The following FAM186B variants were observed in gnomAD, a reference collection of about 807,000 sequenced individuals.
FAM186B encodes the protein family with sequence similarity 186 member B, also known as protein FAM186B.
In FAM186B, 68 loss-of-function variants were observed where a neutral mutation model predicts 83.4. The ratio of observed to expected loss-of-function variants is 0.81; its 90% CI spans 0.67 to 1.00. FAM186B has a LOEUF of 1.00. FAM186B is among the 50% of genes least tolerant of loss of function. The pLI, the probability that FAM186B is intolerant of heterozygous loss-of-function variation, is 0.00. For missense variants in FAM186B, 983 were observed against 1,099.2 expected (o/e 0.89, Z 1.49); for synonymous variants, 389 against 422.0 (o/e 0.92, Z 0.96).
intron 2 of FAM186B, 76 bp from the exon 3 acceptor site, chr12:49,603,443 G>T: frequency 7.0e-7 from 1 of 1,436,930 alleles, no homozygotes; most frequent in Non-Finnish European, 9.6e-7. Flanking sequence ...ATAGCACAGG[G>T]GTTCCAGCAG....
rs867421983 is a variant in FAM186B at position 49,598,827 on chromosome 12, C to T, written c.2292G>A (p.Trp764Ter). The T allele has an allele frequency of 6.2e-7, 1 of 1,613,172 alleles. No homozygotes were observed. The highest frequency in any genetic ancestry group is 1.3e-5 in the African/African-American group (1 of 74,692). Reference sequence around the variant, plus strand: ...CCTCCAGCCCCTTCTGCTTGTCCGTCCAGGCCTGCAGCCTGAGACTCTGCA... The same window carrying T: ...CCTCCAGCCCCTTCTGCTTGTCCGTTCAGGCCTGCAGCCTGAGACTCTGCA... ...DRLQSLRLQA[W>*]TDKQKGLEEK... The change falls in exon 5 of 7, where the codon TGG becomes TGA. Residue 764 changes from tryptophan (W) to a stop codon, truncating the protein, a stop_gained. Transcript: ENST00000257894. LOFTEE classifies it high-confidence loss of function.
intron 5 of FAM186B, among the ~76,000 whole-genome samples, chr12:49,596,726 C>T (rs1004583544): frequency 6.6e-6 from 1 of 152,052 alleles, no homozygotes; most frequent in Non-Finnish European, 1.5e-5. Context: ...TATGGAGGCT[C>T]CTAAAAAAAT....
At chr12:49,621,583 C>G in the FAM186B span, among the ~76,000 whole-genome samples, 1 of 152,046 alleles carries the variant, frequency 6.6e-6, no homozygotes, top group Non-Finnish European at 1.5e-5. Flanking sequence ...ATTTAAGCAA[C>G]TGGGGGAAGA....
the FAM186B span, among the ~76,000 whole-genome samples, chr12:49,619,918 G>A: frequency 1.3e-5 from 2 of 151,864 alleles, no homozygotes; most frequent in South Asian, 2.1e-4. Context: ...AACCTCAAGT[G>A]ATCCACCCAC....
chr12:49,604,460 C>A lies in FAM186B; in HGVS notation c.175G>T (p.Asp59Tyr). The change falls in exon 2 of 7, where the codon GAT becomes TAT. Residue 59 changes from aspartate (D) to tyrosine (Y), a missense_variant. Asp to Tyr is a radical substitution (Grantham distance 160, BLOSUM62 -3). Transcript: ENST00000257894. ...TGAGATTTGGCATTTTCTTTTAAAT[C>A]ATATCCTAATTCTTCCTGGAAGCGG... ...INRFQEELGY[D>Y]LKENAKSQQR... 6.2e-7 allele frequency: 1 copy of A among 1,614,208 alleles called. No individual in the cohort carries two copies. The highest frequency in any genetic ancestry group is 2.2e-5 in the East Asian group (1 of 44,890).
chr12:49,607,253 T>C (rs1465004186), upstream of FAM186B, among the ~76,000 whole-genome samples: 1 of 151,908 alleles, frequency 6.6e-6, no homozygotes, highest in Non-Finnish European at 1.5e-5. Flanking sequence ...GCAACTAAAA[T>C]CTGATGTTTT....
intron 5 of FAM186B, among the ~76,000 whole-genome samples, chr12:49,589,798 T>C (rs370021402): frequency 2.8e-4 from 43 of 152,108 alleles, no homozygotes; most frequent in African/African-American, 1.0e-3. Context: ...CTGGCCAACA[T>C]GGTGAAACCC....
At chr12:49,583,204 T>A, downstream of FAM186B, 1 of 380,172 alleles carries the variant, frequency 2.6e-6, no homozygotes, top group Non-Finnish European at 5.3e-6. Context: ...CATAATATTG[T>A]CAGTTTCATT....
chr12:49,591,196 A>G (rs1310953305), intron 5 of FAM186B, among the ~76,000 whole-genome samples: 2 of 152,198 alleles, frequency 1.3e-5, no homozygotes, highest in Non-Finnish European at 2.9e-5. Context: ...GTATCAGGGA[A>G]GCCAAGGTGA....
chr12:49,613,260 G>A, the FAM186B span, among the ~76,000 whole-genome samples: 1 of 152,038 alleles, frequency 6.6e-6, no homozygotes, highest in Non-Finnish European at 1.5e-5. Context: ...TGGTGCAGTG[G>A]TTCACGCCTG....
chr12:49,590,992 A>C (rs1042928093), intron 5 of FAM186B, among the ~76,000 whole-genome samples: 1 of 152,166 alleles, frequency 6.6e-6, no homozygotes, highest in Non-Finnish European at 1.5e-5. Flanking sequence ...CTAGTTTACT[A>C]TTCTCCTGTA....
the FAM186B span, among the ~76,000 whole-genome samples, chr12:49,621,814 G>C: frequency 6.6e-6 from 1 of 152,190 alleles, no homozygotes; most frequent in African/African-American, 2.4e-5. Flanking sequence ...AAATCCCCTT[G>C]GACCCCTTGC....
chr12:49,601,176 G>T (rs1314511970), intron 3 of FAM186B, 42 bp from the exon 4 acceptor site: 1 of 1,515,728 alleles, frequency 6.6e-7, no homozygotes, highest in African/African-American at 1.4e-5. Context: ...TTTCTCATGG[G>T]TCCCAAGGAT....
chr12:49,606,263 G>A (rs1205295892), upstream of FAM186B, among the ~76,000 whole-genome samples: 1 of 152,034 alleles, frequency 6.6e-6, no homozygotes, highest in East Asian at 1.9e-4. Context: ...GGAGGCTGAG[G>A]TGGGAGGATC....
chr12:49,595,397 AG>A (rs2138268521), intron 5 of FAM186B: 1 of 535,324 alleles, frequency 1.9e-6, no homozygotes. Flanking sequence ...GAGATACTAA[AG>A]GAGCAGGAAA....
At chr12:49,614,216 C>G in the FAM186B span, among the ~76,000 whole-genome samples, 1 of 151,854 alleles carries the variant, frequency 6.6e-6, no homozygotes, top group Non-Finnish European at 1.5e-5. Context: ...AATCCCATTA[C>G]TCGGTATACA....
chr12:49,588,232 C>T (rs974899785), intron 6 of FAM186B, among the ~76,000 whole-genome samples: 1 of 152,230 alleles, frequency 6.6e-6, no homozygotes, highest in Non-Finnish European at 1.5e-5. Flanking sequence ...ATGCACTGGT[C>T]AGGCTAGTCC....
the FAM186B span, among the ~76,000 whole-genome samples, chr12:49,611,894 C>A: frequency 6.6e-6 from 1 of 150,932 alleles, no homozygotes; most frequent in Admixed American, 6.6e-5. Flanking sequence ...AAATAAACTT[C>A]ATAGTTGAAG....
the FAM186B span, among the ~76,000 whole-genome samples, chr12:49,610,673 C>G: frequency 6.6e-6 from 1 of 151,792 alleles, no homozygotes; most frequent in Non-Finnish European, 1.5e-5. Context: ...GCCTGTAGTC[C>G]CAGCTACTCA....
Sources: allele counts gnomAD v4.1 joint callset (sites outside exome capture counted in the v4.1 genomes callset), GRCh38; gene constraint gnomAD v4.1.1; transcripts MANE v1.5; gene names NCBI Gene and HGNC (gene_info 2026-07-23, HGNC 2026-07-21).